ATP9B: variants seen among roughly 807,000 people sequenced by gnomAD.
The protein encoded by ATP9B is probable phospholipid-transporting ATPase IIB.
A neutral mutation model predicts 146.1 loss-of-function variants in ATP9B; 110 were observed. That is an observed-to-expected ratio of 0.75 (90% CI 0.65 to 0.88). The LOEUF (loss-of-function observed/expected upper bound fraction) is 0.88, where lower values mean the gene tolerates loss of function less well. Ranked by LOEUF, ATP9B falls within the 40% of genes least tolerant of loss-of-function variation. The pLI is 0.00. For synonymous variants in ATP9B, 604 were observed against 569.7 expected (o/e 1.06, Z -0.86); for missense variants, 1,499 against 1,496.4 (o/e 1.00, Z -0.03).
chr18:79,202,855 C>T (rs7234249), intron 9 of ATP9B, among the ~76,000 whole-genome samples: 8,848 of 152,150 alleles, frequency 0.058, 493 homozygotes, highest in African/African-American at 0.15. Context: ...TAACAGGAAA[C>T]CAGCTAAAAT....
chr18:79,300,387 G>C (rs1328432391), intron 13 of ATP9B, among the ~76,000 whole-genome samples: 1 of 152,182 alleles, frequency 6.6e-6, no homozygotes, highest in Non-Finnish European at 1.5e-5. Context: ...TGAGGAGGCT[G>C]AGTGGGAGGT....
chr18:79,323,511 G>A (rs1356000358), intron 15 of ATP9B, among the ~76,000 whole-genome samples: 1 of 152,092 alleles, frequency 6.6e-6, no homozygotes, highest in Non-Finnish European at 1.5e-5. Flanking sequence ...GTCTCCAGGA[G>A]TTCAACCTTT....
intron 25 of ATP9B, chr18:79,353,020 G>C (rs553777625): frequency 2.6e-5 from 4 of 152,326 alleles, no homozygotes; most frequent in Admixed American, 2.0e-4. Flanking sequence ...TGGTCAGTAA[G>C]CACAAGAAAA....
rs2096050596 is a variant in ATP9B at position 79,253,498 on chromosome 18, C to T, written c.1225C>T (p.Leu409Phe). 2.5e-6 allele frequency: 4 copies of T among 1,608,186 alleles called. No individual in the cohort carries two copies. Among genetic ancestry groups the T allele is most frequent in the Admixed American group, 1.7e-5 (1 of 58,648 alleles). The change falls in exon 12 of 30, where the codon CTT becomes TTT. Residue 409 changes from leucine (L) to phenylalanine (F), a missense_variant. Coordinates refer to ENST00000426216, the MANE Select transcript of ATP9B (RefSeq NM_198531.5). ...ATTTGTGGGTCCATGGTACCGCAAT[C>T]TTTTTCGGTTCCTTCTCCTCTTTTC... Reference protein sequence around the residue: ...QGFVGPWYRNLFRFLLLFSYI... With the variant: ...QGFVGPWYRNFFRFLLLFSYI...
intron 15 of ATP9B, 65 bp downstream of exon 15, chr18:79,307,299 T>G: frequency 6.3e-7 from 1 of 1,599,084 alleles, no homozygotes. Context: ...TCATGAGGAT[T>G]CATTCTTTCT....
At chr18:79,332,959 A>G (rs892890978) in intron 17 of ATP9B, 1 of 152,328 alleles carries the variant, frequency 6.6e-6, no homozygotes, top group African/African-American at 2.4e-5. Context: ...CCAACGTCAA[A>G]TACAATCAAC....
At chr18:79,336,817 C>G (rs973284123) in intron 18 of ATP9B, 106 bp downstream of exon 18, 1 of 1,200,952 alleles carries the variant, frequency 8.3e-7, no homozygotes, top group South Asian at 1.4e-5. Context: ...TCGCTATAGT[C>G]TAGGAGTGAA....
At chr18:79,219,516 G>A (rs2095658604) in intron 11 of ATP9B, among the ~76,000 whole-genome samples, 1 of 151,250 alleles carries the variant, frequency 6.6e-6, no homozygotes, top group Non-Finnish European at 1.5e-5. Context: ...TGGGCATCCA[G>A]TAGTAACTTA....
At chr18:79,137,802 C>T (rs2094466011) in intron 5 of ATP9B, among the ~76,000 whole-genome samples, 1 of 152,190 alleles carries the variant, frequency 6.6e-6, no homozygotes, top group Admixed American at 6.5e-5. Context: ...GCAACAGTCA[C>T]AGATGCCCAC....
intron 5 of ATP9B, among the ~76,000 whole-genome samples, chr18:79,129,904 C>T (rs868590281): frequency 3.3e-5 from 5 of 152,060 alleles, no homozygotes; most frequent in South Asian, 2.1e-4. Flanking sequence ...CCACCATGCC[C>T]GGCTATTTTT....
rs559792996 is a variant in ATP9B, at chr18:79,337,332, C to T, written c.2166C>T (p.Ala722=). 26 of 1,614,110 alleles carry T rather than the reference C, an allele frequency of 1.6e-5. No individual in the cohort carries two copies. The highest frequency in any genetic ancestry group is 1.5e-4 in the African/African-American group (11 of 75,066). The change falls in exon 19 of 30, where the codon GCC becomes GCT. Residue 722 remains alanine (A), a synonymous_variant. Coordinates refer to ENST00000426216, the MANE Select transcript of ATP9B (RefSeq NM_198531.5). The stretch of plus-strand genomic sequence containing the variant: ...TGCACGACAGGTCCCTCAAGGTGGC[C>T]GCGGTAGTCGAGAGCCTGGAGAGGG... The part of the protein sequence containing the change: ...LSMHDRSLKV[A]AVVESLEREM...
At chr18:79,072,177 C>A (rs2071932870) in intron 1 of ATP9B, among the ~76,000 whole-genome samples, 1 of 150,418 alleles carries the variant, frequency 6.6e-6, no homozygotes, top group Non-Finnish European at 1.5e-5. Context: ...ATTTATTGAT[C>A]ATTCTTGGGT....
intron 11 of ATP9B, among the ~76,000 whole-genome samples, chr18:79,225,270 T>C (rs1246918193): frequency 2.0e-5 from 3 of 152,248 alleles, no homozygotes; most frequent in Non-Finnish European, 2.9e-5. Context: ...TCTTTTACAA[T>C]TGCATTAACT....
intron 7 of ATP9B, among the ~76,000 whole-genome samples, chr18:79,156,413 C>T (rs56367824): frequency 0.066 from 10,038 of 152,232 alleles, 407 homozygotes; most frequent in Non-Finnish European, 0.095. Flanking sequence ...TCATCTCTTC[C>T]GCCTTGCTGG....
At chr18:79,092,305 G>T (rs1213013409) in intron 1 of ATP9B, among the ~76,000 whole-genome samples, 1 of 152,098 alleles carries the variant, frequency 6.6e-6, no homozygotes, top group African/African-American at 2.4e-5. Flanking sequence ...ATTGCTCCTA[G>T]GCTACAAACT....
rs1365458244 is a variant in ATP9B at position 79,090,308 on chromosome 18, T to A, written c.120-6168T>A. Reference sequence around the variant, plus strand: ...TATACCAAGCAGTGGGATTGTTGGATCATATAGTAGCTCAATTTTTAGTTT... The same window carrying A: ...TATACCAAGCAGTGGGATTGTTGGAACATATAGTAGCTCAATTTTTAGTTT... On this transcript the variant is annotated intron_variant, in intron 1 of 29. Transcript: ENST00000426216. Among the ~76,000 whole-genome samples, 4 of 152,342 alleles carry A rather than the reference T, an allele frequency of 2.6e-5. No individual in the cohort carries two copies. The East Asian group carries it at 5.8e-4, about 22-fold the overall frequency.
chr18:79,221,835 G>T (rs1600610635), intron 11 of ATP9B, among the ~76,000 whole-genome samples: 8 of 127,108 alleles, frequency 6.3e-5, no homozygotes, highest in Admixed American at 2.5e-4. Context: ...TAAACTTCTA[G>T]TTCTCCTCAG....
At chr18:79,249,650 A>G (rs774256643) in intron 11 of ATP9B, among the ~76,000 whole-genome samples, 2 of 152,248 alleles carry the variant, frequency 1.3e-5, no homozygotes, top group Non-Finnish European at 2.9e-5. Context: ...CACCTTCTTT[A>G]TAGAATCTGT....
At chr18:79,151,727 GT>G (rs10707568) in intron 6 of ATP9B, among the ~76,000 whole-genome samples, 33,780 of 141,654 alleles carry the variant, frequency 0.24, 3,751 homozygotes, top group African/African-American at 0.26. Flanking sequence ...ATGTAGAAGT[GT>G]TTTTTTTTTT....
Sources: gnomAD v4.1 joint callset for allele counts (sites outside exome capture counted in the v4.1 genomes callset) on GRCh38, gnomAD v4.1.1 for gene constraint, MANE v1.5 for transcripts, NCBI Gene and HGNC (gene_info 2026-07-23, HGNC 2026-07-21) for gene names.